NCSTN: variants seen among roughly 807,000 people sequenced by gnomAD.
NCSTN encodes anterior pharynx-defective 2.
In NCSTN, 22 loss-of-function variants were observed where a neutral mutation model predicts 87.0. The observed-to-expected ratio is 0.25, with a 90% CI of 0.18 to 0.36. The LOEUF is 0.36. NCSTN is among the 10% of genes least tolerant of loss of function. The pLI is 1.00. For synonymous variants in NCSTN, 306 were observed against 327.1 expected (o/e 0.94, Z 0.69); for missense variants, 693 against 883.3 (o/e 0.78, Z 2.73).
chr1:160,354,559 G>A (rs1194600982), intron 11 of NCSTN, among the ~76,000 whole-genome samples: 1 of 152,092 alleles, frequency 6.6e-6, no homozygotes, highest in South Asian at 2.1e-4. Flanking sequence ...GCTCTCCAGG[G>A]TCCTGAGTTC....
At chr1:160,351,497 G>A (rs1648837062) in intron 6 of NCSTN, 125 bp downstream of exon 6, 2 of 1,350,738 alleles carry the variant, frequency 1.5e-6, no homozygotes, top group African/African-American at 2.9e-5. Flanking sequence ...CTCTGCATGG[G>A]AGAACTAGAA....
intron 10 of NCSTN, 89 bp from the exon 11 acceptor site, chr1:160,354,029 T>C: frequency 7.2e-7 from 1 of 1,384,560 alleles, no homozygotes; most frequent in South Asian, 1.2e-5. Context: ...AGCAGGGAAC[T>C]TGAAGTATAG....
At chr1:160,346,363 C>T (rs1342309272) in intron 2 of NCSTN, among the ~76,000 whole-genome samples, 1 of 152,208 alleles carries the variant, frequency 6.6e-6, no homozygotes, top group East Asian at 1.9e-4. Flanking sequence ...ATTGATGACG[C>T]TAGGTAAATA....
At chr1:160,356,217 C>T (rs2101909253) in intron 13 of NCSTN, 43 bp from the exon 14 acceptor site, 2 of 1,505,572 alleles carry the variant, frequency 1.3e-6, no homozygotes, top group South Asian at 1.1e-5. Context: ...CCTGGGCTCC[C>T]TTCAAGTCAC....
At chr1:160,351,920 G>C in intron 7 of NCSTN, 115 bp downstream of exon 7, 1 of 1,463,796 alleles carries the variant, frequency 6.8e-7, no homozygotes, top group East Asian at 2.3e-5. Flanking sequence ...AAATGGGGAG[G>C]AATCTGGGCT....
intron 14 of NCSTN, 69 bp from the exon 15 acceptor site, chr1:160,356,531 T>G: frequency 1.3e-6 from 2 of 1,593,650 alleles, no homozygotes; most frequent in Non-Finnish European, 1.7e-6. Context: ...CTGCTGCCAA[T>G]CTTGGGCTTT....
At chr1:160,345,595 C>T (rs750724500) in intron 2 of NCSTN, among the ~76,000 whole-genome samples, 28 of 152,068 alleles carry the variant, frequency 1.8e-4, no homozygotes, top group Non-Finnish European at 3.2e-4. Context: ...CTTTTTGGAA[C>T]CAAAATGGGC....
chr1:160,353,302 CCT>C, intron 10 of NCSTN, 65 bp downstream of exon 10: 3 of 1,611,090 alleles, frequency 1.9e-6, no homozygotes, highest in Non-Finnish European at 2.5e-6. Context: ...CAACCCCTGC[CCT>C]GTTTCCACCA....
Position 160,349,542 on chromosome 1 carries a change from A to T in NCSTN, c.315-7A>T. The T allele has an allele frequency of 6.2e-7, 1 of 1,614,122 alleles. No individual in the cohort carries two copies. The highest frequency in any genetic ancestry group is 1.1e-5 in the South Asian group (1 of 91,082). ...TGTTCCTTCATGGAATTCCTTTCCT[A>T]TTCCAGGGATTTAATGGAGAAGCTG... On this transcript the variant is annotated splice_polypyrimidine_tract_variant and splice_region_variant and intron_variant, in intron 3 of 16. Coordinates refer to ENST00000294785, the MANE Select transcript of NCSTN (RefSeq NM_015331.3).
intron 2 of NCSTN, among the ~76,000 whole-genome samples, chr1:160,348,506 T>A (rs1383771302): frequency 6.6e-6 from 1 of 152,086 alleles, no homozygotes; most frequent in Non-Finnish European, 1.5e-5. Context: ...TTGACTAACC[T>A]CATCTAAAAC....
Position 160,343,441 on chromosome 1 carries a change from G to C in NCSTN, c.45G>C (p.Arg15=), listed in dbSNP as rs776870343. The C allele has an allele frequency of 3.7e-6, 6 of 1,612,306 alleles. No homozygotes were observed. The Admixed American group carries it at 1.0e-4, about 27-fold the overall frequency. ...GCTCTGGGGCTGACCCGGGAAGTCG[G>C]GGTCTCCTTCGCCTTCTGTCTTTCT... ...GGGSGADPGS[R]GLLRLLSFCV... Residue 15 remains arginine (R), a synonymous_variant, in exon 1 of 17, where the codon CGG becomes CGC. Transcript: ENST00000294785.
chr1:160,354,084 C>T (rs202054948), intron 10 of NCSTN, 34 bp from the exon 11 acceptor site: 2 of 1,604,250 alleles, frequency 1.2e-6, no homozygotes, highest in South Asian at 1.1e-5. Context: ...CATCCCCCAG[C>T]CTCCCATCAG....
intron 10 of NCSTN, chr1:160,353,496 G>A: frequency 7.3e-7 from 1 of 1,366,942 alleles, no homozygotes; most frequent in Non-Finnish European, 9.5e-7. Flanking sequence ...TGCCCATTAA[G>A]GATAGGTGAG....
chr1:160,349,251 C>A, intron 3 of NCSTN, 129 bp downstream of exon 3: 1 of 1,315,254 alleles, frequency 7.6e-7, no homozygotes. Context: ...CAGGGTGGTC[C>A]TCAGAAGGAA....
chr1:160,357,422 G>C (rs1194078258), intron 16 of NCSTN, among the ~76,000 whole-genome samples, 169 bp downstream of exon 16: 1 of 151,462 alleles, frequency 6.6e-6, no homozygotes, highest in Non-Finnish European at 1.5e-5. Flanking sequence ...CCTTTTTTTT[G>C]AGATGGAGTT....
Position 160,356,271 on chromosome 1 carries a change from G to T in NCSTN, c.1563G>T (p.Leu521=), listed in dbSNP as rs373614570. ...VQADPQTVTR[L]LYGFLIKANN... Reference sequence around the variant, plus strand: ...TGTTCCAATCCTAGGTTACCCGCCTGCTCTATGGGTTCCTGATTAAAGCCA... The same window carrying T: ...TGTTCCAATCCTAGGTTACCCGCCTTCTCTATGGGTTCCTGATTAAAGCCA... Residue 521 remains leucine (L), a synonymous_variant, in exon 14 of 17, where the codon CTG becomes CTT. Transcript: ENST00000294785. 6.8e-6 allele frequency: 11 copies of T among 1,612,532 alleles called. No individual in the cohort carries two copies. Among genetic ancestry groups the T allele is most frequent in the African/African-American group, 1.3e-5 (1 of 74,894 alleles).
chr1:160,355,909 T>C lies in NCSTN; in HGVS notation c.1502T>C (p.Leu501Pro). The part of the protein sequence containing the change: ...ATVLGRALYE[L>P]AGGTNFSDTV... Reference sequence around the variant, plus strand: ...GTGCTGGGACGTGCTCTGTATGAGCTTGCAGGAGGAACCAACTTCAGCGAC... The same window carrying C: ...GTGCTGGGACGTGCTCTGTATGAGCCTGCAGGAGGAACCAACTTCAGCGAC... Residue 501 changes from leucine (L) to proline (P), a missense_variant, in exon 13 of 17, where the codon CTT becomes CCT. Transcript: ENST00000294785. The C allele has an allele frequency of 6.2e-7, 1 of 1,614,216 alleles. No homozygotes were observed.
rs1052744544 is a variant in NCSTN at position 160,358,946 on chromosome 1, C to T, written c.*675C>T. On this transcript the variant is annotated 3_prime_UTR_variant, in exon 17 of 17. Transcript: ENST00000294785. Reference sequence around the variant, plus strand: ...TGAGTTTCATTAAAATAGATTATCCCACACGACTTGTACTGCTAGTTATTC... The same window carrying T: ...TGAGTTTCATTAAAATAGATTATCCTACACGACTTGTACTGCTAGTTATTC... 6.6e-6 allele frequency: 1 copy of T among 152,392 alleles called. No homozygotes were observed. The highest frequency in any genetic ancestry group is 2.4e-5 in the African/African-American group (1 of 41,324). The allele number at this position is 152,392 out of a possible 1,614,324, so 9.4% of individuals were successfully genotyped here. A position where few individuals can be genotyped will look rare whatever the true frequency, so the allele number is the denominator to read the frequency against.
rs141903340 is a variant in NCSTN, at chr1:160,351,391, A to T, written c.733+19A>T. On this transcript the variant is annotated intron_variant, in intron 6 of 16. Coordinates refer to ENST00000294785, the MANE Select transcript of NCSTN (RefSeq NM_015331.3). ...AACCCAGGTAGGGCAGATCCGAACC[A>T]TGAGGGTAATGGAATAAGGGGCAGA... 5,790 of 1,613,042 alleles carry T rather than the reference A, an allele frequency of 3.6e-3. 17 individuals carry two copies. The highest frequency in any genetic ancestry group is 4.4e-3 in the Non-Finnish European group (5,200 of 1,179,122).
Sources: allele counts gnomAD v4.1 joint callset (sites outside exome capture counted in the v4.1 genomes callset), GRCh38; gene constraint gnomAD v4.1.1; transcripts MANE v1.5; gene names NCBI Gene and HGNC (gene_info 2026-07-23, HGNC 2026-07-21).